ADAMTS16: variants seen among roughly 807,000 people sequenced by gnomAD.
ADAMTS16 encodes ADAM metallopeptidase with thrombospondin type 1 motif 16.
A neutral mutation model predicts 145.8 loss-of-function variants in ADAMTS16; 94 were observed. That is an observed-to-expected ratio of 0.64 (90% CI 0.55 to 0.77). The LOEUF (loss-of-function observed/expected upper bound fraction) is 0.77. Ranked by LOEUF, ADAMTS16 falls within the 30% of genes least tolerant of loss-of-function variation. The probability of loss-of-function intolerance (pLI) is 0.00; values close to 1 mark genes in which losing one functional copy is unlikely to be tolerated. For missense variants in ADAMTS16, 1,585 were observed against 1,591.5 expected, an observed-to-expected ratio of 1.00 and a Z score of 0.07; for synonymous variants, 659 against 604.3, an observed-to-expected ratio of 1.09 and a Z score of -1.33.
chr5:5,172,340 G>A (rs1300915661), intron 3 of ADAMTS16, among the ~76,000 whole-genome samples: 24 of 151,866 alleles, frequency 1.6e-4, no homozygotes, highest in Non-Finnish European at 1.0e-4. Flanking sequence ...CCATTAGGTT[G>A]TTTATTAGAA....
chr5:5,158,728 G>A (rs887782356), intron 3 of ADAMTS16, among the ~76,000 whole-genome samples: 1 of 152,210 alleles, frequency 6.6e-6, no homozygotes, highest in Non-Finnish European at 1.5e-5. Flanking sequence ...TACACTTTAA[G>A]TAACATGATA....
intron 14 of ADAMTS16, among the ~76,000 whole-genome samples, chr5:5,238,786 G>T (rs575897368): frequency 1.3e-5 from 2 of 152,276 alleles, no homozygotes; most frequent in South Asian, 4.1e-4. Context: ...AGCCCACAAT[G>T]GCATATTTTG....
intron 2 of ADAMTS16, among the ~76,000 whole-genome samples, chr5:5,141,021 G>A (rs67220167): frequency 0.094 from 14,272 of 152,128 alleles, 694 homozygotes; most frequent in Middle Eastern, 0.16. Context: ...AGGTGAGGAA[G>A]TTCATTTTAT....
At chr5:5,145,932 T>G (rs542391733) in intron 2 of ADAMTS16, among the ~76,000 whole-genome samples, 198 bp from the exon 3 acceptor site, 15 of 152,174 alleles carry the variant, frequency 9.9e-5, no homozygotes, top group Non-Finnish European at 2.2e-4. Flanking sequence ...ATGGGGCCCT[T>G]GTTACAATTT....
rs1295297695 is a variant in ADAMTS16 at position 5,146,392 on chromosome 5, C to A, written c.438C>A (p.Phe146Leu). 6.8e-6 allele frequency: 11 copies of A among 1,613,966 alleles called. No individual in the cohort carries two copies. Among genetic ancestry groups the A allele is most frequent in the Non-Finnish European group, 9.3e-6 (11 of 1,180,048 alleles). ...VQTLPPEDFC[F>L]YQGSLRSHRN... Reference sequence around the variant, plus strand: ...CTTTACCGCCAGAGGACTTCTGTTTCTATCAAGGCTCTTTGCGATCACACA... The same window carrying A: ...CTTTACCGCCAGAGGACTTCTGTTTATATCAAGGCTCTTTGCGATCACACA... The change falls in exon 3 of 23, where the codon TTC (phenylalanine) becomes TTA (leucine). Residue 146 changes from phenylalanine to leucine, a missense_variant. Phe to Leu is a conservative substitution (Grantham distance 22). Transcript: ENST00000274181.
intron 17 of ADAMTS16, among the ~76,000 whole-genome samples, chr5:5,253,054 ACT>A (rs1737675545): frequency 6.6e-6 from 1 of 151,810 alleles, no homozygotes. Flanking sequence ...ATAATCTTAA[ACT>A]CTTCTTTCTC....
At chr5:5,253,947 C>A (rs1478575333) in intron 17 of ADAMTS16, among the ~76,000 whole-genome samples, 4 of 152,164 alleles carry the variant, frequency 2.6e-5, no homozygotes, top group Non-Finnish European at 5.9e-5. Flanking sequence ...TTTTCCCCAC[C>A]ATCACTACCC....
intron 10 of ADAMTS16, among the ~76,000 whole-genome samples, chr5:5,215,841 GTA>G (rs374604690): frequency 0.11 from 11,586 of 107,896 alleles, 2,384 homozygotes; most frequent in African/African-American, 0.41. Context: ...TATGTGGTGT[GTA>G]TATATATATA....
Position 5,200,248 on chromosome 5 carries a change from A to G in ADAMTS16, c.1430A>G (p.Gln477Arg). 2 of 1,613,460 alleles carry G rather than the reference A, an allele frequency of 1.2e-6. No individual in the cohort carries two copies. The highest frequency in any genetic ancestry group is 1.7e-6 in the Non-Finnish European group (2 of 1,179,816). ...TTCTCCTGGTCACCCTGCAGCCGCC[A>G]GTATCTACACAAATTTCTAAGGTAG... The part of the protein sequence containing the change: ...GVFSWSPCSR[Q>R]YLHKFLSTAQ... The change falls in exon 9 of 23, where the codon CAG (glutamine) becomes CGG (arginine). Residue 477 changes from glutamine to arginine, a missense_variant. This residue lies in a region of ADAMTS16 where 298 missense variants were observed against 367.6 expected (regional missense o/e 0.81). Transcript: ENST00000274181.
In ADAMTS16 at chr5:5,187,802, T is replaced by A. The variant is rs755715181; in HGVS notation, c.1041T>A (p.Asp347Glu). The change falls in exon 6 of 23, where the codon GAT becomes GAA. Residue 347 changes from aspartate (D) to glutamate (E), a missense_variant. By Grantham distance (45) the Asp-to-Glu change is conservative. Around this residue, in one of 3 missense-constraint regions of ADAMTS16, gnomAD observed 298 missense variants for 367.6 expected, o/e 0.81. Transcript: ENST00000274181. Reference sequence around the variant, plus strand: ...TTGTAGGTCTGATTCTTCTAGAAGATGAACAGGTAGTTTATCTTTGAAACT... The same window carrying A: ...TTGTAGGTCTGATTCTTCTAGAAGAAGAACAGGTAGTTTATCTTTGAAACT... ...IAIVGLILLE[D>E]EQPGLVISHH... 8 of 1,593,544 alleles carry A rather than the reference T, an allele frequency of 5.0e-6. No individual in the cohort carries two copies. The African/African-American group carries it at 1.1e-4, about 21-fold the overall frequency.
intron 21 of ADAMTS16, among the ~76,000 whole-genome samples, chr5:5,315,450 CA>C (rs34004364): frequency 0.083 from 12,216 of 147,382 alleles, 555 homozygotes; most frequent in Middle Eastern, 0.13. Context: ...TTAAATGATA[CA>C]AAAAAAAAAA....
chr5:5,282,035 A>AGTG (rs70965933), intron 18 of ADAMTS16, among the ~76,000 whole-genome samples: 128,287 of 151,884 alleles, frequency 0.84, 54,651 homozygotes, highest in Non-Finnish European at 0.89. Context: ...TCAGAACAGT[A>AGTG]GTATATGCTC....
At chr5:5,291,031 A>G (rs1739292136) in intron 18 of ADAMTS16, among the ~76,000 whole-genome samples, 1 of 152,148 alleles carries the variant, frequency 6.6e-6, no homozygotes. Flanking sequence ...CAACCTCCCC[A>G]TTCTTCTAAT....
intron 18 of ADAMTS16, among the ~76,000 whole-genome samples, chr5:5,291,564 C>T (rs1283360218): frequency 6.6e-6 from 1 of 152,196 alleles, no homozygotes; most frequent in African/African-American, 2.4e-5. Context: ...ACATTGGTGT[C>T]CCGTGATTTC....
At chr5:5,237,569 A>T (rs1737146161) in intron 14 of ADAMTS16, among the ~76,000 whole-genome samples, 1 of 152,148 alleles carries the variant, frequency 6.6e-6, no homozygotes, top group South Asian at 2.1e-4. Context: ...CCAAGGCTGG[A>T]TAAGGAGTTG....
At chr5:5,280,733 C>T (rs1241194372) in intron 18 of ADAMTS16, among the ~76,000 whole-genome samples, 1 of 152,110 alleles carries the variant, frequency 6.6e-6, no homozygotes, top group Non-Finnish European at 1.5e-5. Flanking sequence ...TTCATTATAA[C>T]AATTAGCAAT....
intron 21 of ADAMTS16, among the ~76,000 whole-genome samples, chr5:5,313,852 T>C (rs1200845111): frequency 6.6e-6 from 1 of 152,230 alleles, no homozygotes; most frequent in African/African-American, 2.4e-5. Context: ...GCGCAGTCCA[T>C]CCCAGGGTTA....
intron 9 of ADAMTS16, among the ~76,000 whole-genome samples, chr5:5,207,149 C>A (rs1275681973): frequency 6.6e-6 from 1 of 152,202 alleles, no homozygotes; most frequent in Non-Finnish European, 1.5e-5. Context: ...AAGAACTAAT[C>A]TCCTGACAAG....
intron 11 of ADAMTS16, among the ~76,000 whole-genome samples, chr5:5,230,545 T>C (rs1471370612): frequency 6.6e-6 from 1 of 152,142 alleles, no homozygotes; most frequent in African/African-American, 2.4e-5. Context: ...TTATGTGAAA[T>C]GAGACTGGAC....
Sources: allele counts gnomAD v4.1 joint callset (sites outside exome capture counted in the v4.1 genomes callset), GRCh38; gene constraint gnomAD v4.1.1; regional missense constraint gnomAD v4.1.1; transcripts MANE v1.5; gene names NCBI Gene and HGNC (gene_info 2026-07-23, HGNC 2026-07-21).